TLN2: variants seen among roughly 807,000 people sequenced by gnomAD.
TLN2 encodes talin-2.
In TLN2, 118 loss-of-function variants were observed where a neutral mutation model predicts 294.7. The ratio of observed to expected loss-of-function variants is 0.40; its 90% CI spans 0.34 to 0.47. TLN2 has a LOEUF of 0.47. TLN2 is among the 20% of genes least tolerant of loss of function. TLN2 has a pLI of 0.84. For synonymous variants in TLN2, 1,431 were observed against 1,304.5 expected (o/e 1.10, Z -2.09); for missense variants, 3,083 against 3,282.2 (o/e 0.94, Z 1.48).
At position 62,707,357 on chromosome 15, in the gene TLN2, G is replaced by A. The variant is rs940261240; in HGVS notation, c.2172+104G>A. The A allele has an allele frequency of 2.4e-5, 32 of 1,319,516 alleles. No homozygotes were observed. The African/African-American group carries it at 2.8e-4, about 12-fold the overall frequency. The allele number at this position is 1,319,516 out of a possible 1,614,324, so 81.7% of individuals were successfully genotyped here. On this transcript the variant is annotated intron_variant, in intron 20 of 58. Transcript: ENST00000636159. ...GGGGCAGAATTTGTTTAAATAGTCC[G>A]AGATTTAGAGCTTCCTTAAAGTGTC... is the stretch of plus-strand genomic sequence containing the variant.
chr15:62,735,239 T>C (rs1272448243), intron 28 of TLN2, among the ~76,000 whole-genome samples: 1 of 152,216 alleles, frequency 6.6e-6, no homozygotes, highest in African/African-American at 2.4e-5. Context: ...TGTTCAGCGA[T>C]TCTCAGGCGT....
Position 62,593,490 on chromosome 15 carries a change from A to G in TLN2, c.-162+3728A>G, listed in dbSNP as rs527381541. ...GTTTCCATGCATTTTTTGGCTAATT[A>G]TGTTCATCAGTTAATTTCTTTCCAC... is the stretch of plus-strand genomic sequence containing the variant. On this transcript the variant is annotated intron_variant, in intron 2 of 58. Coordinates refer to ENST00000636159, the MANE Select transcript of TLN2 (RefSeq NM_015059.3). 5.9e-5 allele frequency among the ~76,000 whole-genome samples: 9 copies of G among 152,328 alleles called. No homozygotes were observed. In the South Asian group the frequency reaches 1.7e-3, roughly 28 times the overall value.
At chr15:62,594,602 C>T (rs980084421) in intron 2 of TLN2, among the ~76,000 whole-genome samples, 6 of 152,154 alleles carry the variant, frequency 3.9e-5, no homozygotes, top group African/African-American at 1.4e-4. Flanking sequence ...ACTGGATATC[C>T]ACATGCAGAA....
At chr15:62,776,019 T>G (rs1380854219) in intron 42 of TLN2, among the ~76,000 whole-genome samples, 1 of 152,222 alleles carries the variant, frequency 6.6e-6, no homozygotes, top group Non-Finnish European at 1.5e-5. Flanking sequence ...GAGCCAGAAC[T>G]AGAACCCAGG....
At chr15:62,410,255 GA>G (rs923619679) in intron 1 of TLN2, among the ~76,000 whole-genome samples, 58 of 144,526 alleles carry the variant, frequency 4.0e-4, no homozygotes, top group East Asian at 1.6e-3. Context: ...AAGAAAAAAA[GA>G]AAAAAAAAAG....
chr15:62,804,714 T>C (rs915140939), intron 50 of TLN2, among the ~76,000 whole-genome samples: 1 of 152,196 alleles, frequency 6.6e-6, no homozygotes, highest in Non-Finnish European at 1.5e-5. Flanking sequence ...ACTGCTTAAT[T>C]GCAGTTGCCC....
intron 1 of TLN2, among the ~76,000 whole-genome samples, chr15:62,481,800 T>TTTC (rs1219930725): frequency 4.1e-5 from 5 of 122,878 alleles, no homozygotes; most frequent in African/African-American, 8.0e-5. Flanking sequence ...CTTTCTTTCT[T>TTTC]TTTTTTTTTT....
intron 3 of TLN2, among the ~76,000 whole-genome samples, chr15:62,632,101 T>C (rs550922297): frequency 4.6e-5 from 7 of 152,340 alleles, no homozygotes; most frequent in African/African-American, 9.6e-5. Flanking sequence ...TACAAACTTA[T>C]TGTCACAGCT....
chr15:62,707,982 G>C (rs146696400), intron 20 of TLN2, among the ~76,000 whole-genome samples: 6 of 152,128 alleles, frequency 3.9e-5, no homozygotes, highest in African/African-American at 1.2e-4. Context: ...TCAATAGCCT[G>C]TGGTAAGATT....
In TLN2 at chr15:62,740,524, A is replaced by G. The variant is rs142266938; in HGVS notation, c.3886-106A>G. ...GGGCTAACTGGGTTTAATGTGATCT[A>G]TACGGATAACCTGCCTGCATGTCAG... is the stretch of plus-strand genomic sequence containing the variant. On this transcript the variant is annotated intron_variant, in intron 31 of 58. Coordinates refer to ENST00000636159, the MANE Select transcript of TLN2 (RefSeq NM_015059.3). 1,211 of 1,500,116 alleles carry G rather than the reference A, an allele frequency of 8.1e-4. 8 individuals are homozygous for G. In the East Asian group the frequency reaches 0.017, roughly 21 times the overall value. 92.9% of individuals were successfully genotyped at this position (1,500,116 alleles called of 1,614,324 possible).
chr15:62,599,546 G>T (rs1377080385), intron 2 of TLN2, among the ~76,000 whole-genome samples: 1 of 152,162 alleles, frequency 6.6e-6, no homozygotes, highest in Non-Finnish European at 1.5e-5. Flanking sequence ...AAATCTATTT[G>T]GAAAATTTAA....
intron 3 of TLN2, among the ~76,000 whole-genome samples, chr15:62,628,280 A>C (rs1230568841): frequency 1.3e-5 from 2 of 152,214 alleles, no homozygotes; most frequent in Admixed American, 6.5e-5. Context: ...GAAACTATTC[A>C]TGTACCTATG....
chr15:62,773,494 C>G (rs895916423), intron 42 of TLN2, among the ~76,000 whole-genome samples: 4 of 152,076 alleles, frequency 2.6e-5, no homozygotes, highest in African/African-American at 9.7e-5. Flanking sequence ...CAGGCTTAGC[C>G]CAAAGTGCGC....
intron 1 of TLN2, among the ~76,000 whole-genome samples, chr15:62,398,882 T>C (rs1032279880): frequency 6.6e-6 from 1 of 152,158 alleles, no homozygotes; most frequent in Non-Finnish European, 1.5e-5. Flanking sequence ...TCAAGCCAGC[T>C]GCAGAAATTT....
chr15:62,608,007 T>A (rs921851646), intron 2 of TLN2, among the ~76,000 whole-genome samples: 2 of 152,208 alleles, frequency 1.3e-5, no homozygotes, highest in African/African-American at 4.8e-5. Flanking sequence ...TTGTTAGGCT[T>A]TTGCGAAGGA....
At chr15:62,837,326 G>A (rs2069808816) in intron 57 of TLN2, among the ~76,000 whole-genome samples, 1 of 152,182 alleles carries the variant, frequency 6.6e-6, no homozygotes, top group Middle Eastern at 3.2e-3. Context: ...ACACTTCTGA[G>A]GAAAACATCC....
In TLN2 at chr15:62,702,875, T is replaced by C. The variant is rs1266972742; in HGVS notation, c.2004+11T>C. ...GATGAGCGATTCCAGGTAAGATATT[T>C]GCAGGCTTATAGTCATGGAAAGAAG... On this transcript the variant is annotated intron_variant, in intron 19 of 58. Coordinates refer to ENST00000636159, the MANE Select transcript of TLN2 (RefSeq NM_015059.3). 4 of 1,612,656 alleles carry C rather than the reference T, an allele frequency of 2.5e-6. No homozygotes were observed. In the East Asian group the frequency reaches 8.9e-5, roughly 36 times the overall value.
chr15:62,729,108 A>G (rs1051961964), intron 28 of TLN2, among the ~76,000 whole-genome samples: 4 of 152,200 alleles, frequency 2.6e-5, no homozygotes, highest in African/African-American at 9.7e-5. Context: ...CTTTTTCCCA[A>G]TGATCTTTAG....
chr15:62,492,927 C>T (rs1353793672), intron 1 of TLN2, among the ~76,000 whole-genome samples: 3 of 152,146 alleles, frequency 2.0e-5, no homozygotes, highest in Admixed American at 1.3e-4. Context: ...TAGCCCAGGA[C>T]GTTCTGGCTA....
Sources: allele counts gnomAD v4.1 joint callset (sites outside exome capture counted in the v4.1 genomes callset), GRCh38; gene constraint gnomAD v4.1.1; transcripts MANE v1.5; gene names NCBI Gene and HGNC (gene_info 2026-07-23, HGNC 2026-07-21).